ESRRG: variants seen among roughly 807,000 people sequenced by gnomAD.
ESRRG encodes the protein estrogen-related receptor gamma.
ESRRG carries 13 observed loss-of-function variants against 44.0 expected under a neutral mutation model. That is an observed-to-expected ratio of 0.30 (90% confidence interval 0.19 to 0.47). ESRRG has a LOEUF of 0.47. Ranked by LOEUF, ESRRG falls within the 20% of genes least tolerant of loss-of-function variation. The pLI is 1.00. For synonymous variants in ESRRG, 215 were observed against 214.6 expected, an observed-to-expected ratio of 1.00 and a Z score of -0.02; for missense variants, 395 against 580.6, an observed-to-expected ratio of 0.68 and a Z score of 3.29.
chr1:216,515,300 T>A (rs1034264235), intron 6 of ESRRG, among the ~76,000 whole-genome samples: 5 of 152,070 alleles, frequency 3.3e-5, no homozygotes, highest in Non-Finnish European at 2.9e-5. Context: ...TATGTGTATA[T>A]ATATATCCTA....
At chr1:217,080,078 A>G (rs548859847) in intron 1 of ESRRG, among the ~76,000 whole-genome samples, 8 of 152,328 alleles carry the variant, frequency 5.3e-5, no homozygotes, top group African/African-American at 1.7e-4. Context: ...TTTAAGATAT[A>G]TATAAATATA....
Position 216,750,031 on chromosome 1 carries a change from A to T in ESRRG, c.-13-72540T>A, listed in dbSNP as rs139418900. 1.8e-3 allele frequency among the ~76,000 whole-genome samples: 275 copies of T among 152,322 alleles called. 1 individual carries two copies. The highest frequency in any genetic ancestry group is 6.4e-3 in the African/African-American group (265 of 41,588). On this transcript the variant is annotated intron_variant, in intron 2 of 7. Coordinates refer to the ESRRG transcript ENST00000359162. ...TTAAGCATTTGGACAATAGTGCTCA[A>T]ACATTACAAAGAGGACCACAAATGA... is the stretch of plus-strand genomic sequence containing the variant.
intron 2 of ESRRG, among the ~76,000 whole-genome samples, chr1:216,878,757 A>G (rs2096396792): frequency 6.6e-6 from 1 of 152,192 alleles, no homozygotes; most frequent in Admixed American, 6.5e-5. Context: ...GTCTTTTCAA[A>G]ATGTTCAAAA....
chr1:216,687,310 T>C (rs2078193487), intron 1 of ESRRG, among the ~76,000 whole-genome samples: 1 of 152,078 alleles, frequency 6.6e-6, no homozygotes, highest in African/African-American at 2.4e-5. Flanking sequence ...TTCCCTGCAA[T>C]CAGTGTTTAA....
At chr1:216,510,667 C>T (rs1474139967) in intron 6 of ESRRG, among the ~76,000 whole-genome samples, 2 of 152,100 alleles carry the variant, frequency 1.3e-5, no homozygotes, top group Admixed American at 6.5e-5. Flanking sequence ...AGGCAGATCA[C>T]GAGGTCAGGA....
At chr1:216,821,178 AC>A (rs763258510) in intron 2 of ESRRG, among the ~76,000 whole-genome samples, 12 of 152,116 alleles carry the variant, frequency 7.9e-5, no homozygotes, top group Non-Finnish European at 1.5e-4. Flanking sequence ...CACCGCTCTT[AC>A]CTTACTTGCT....
At chr1:216,679,700 T>C (rs558451650) in intron 1 of ESRRG, among the ~76,000 whole-genome samples, 1 of 142,682 alleles carries the variant, frequency 7.0e-6, no homozygotes, top group Non-Finnish European at 1.5e-5. Context: ...TCTTTTTAAA[T>C]TTTTTTTCCC....
intron 3 of ESRRG, among the ~76,000 whole-genome samples, chr1:216,603,821 G>A (rs144899721): frequency 0.017 from 2,526 of 151,898 alleles, 45 homozygotes; most frequent in Middle Eastern, 0.061. Context: ...CCAGCTACTC[G>A]GCGGGATGAG....
intron 5 of ESRRG, among the ~76,000 whole-genome samples, chr1:216,545,628 T>C (rs564540086): frequency 1.2e-4 from 18 of 152,052 alleles, no homozygotes; most frequent in Non-Finnish European, 2.2e-4. Context: ...TAATAAGAAA[T>C]TGTTTGATGA....
At chr1:216,778,981 A>G (rs2093717687) in intron 2 of ESRRG, among the ~76,000 whole-genome samples, 1 of 149,908 alleles carries the variant, frequency 6.7e-6, no homozygotes, top group Non-Finnish European at 1.5e-5. Context: ...TCAGTCACTC[A>G]TCAACTCTGT....
intron 1 of ESRRG, among the ~76,000 whole-genome samples, chr1:217,117,770 T>C (rs568756374): frequency 5.9e-5 from 9 of 152,290 alleles, no homozygotes; most frequent in Middle Eastern, 6.8e-3. Context: ...AGGTCCTTAA[T>C]CTTCACTAAA....
intron 2 of ESRRG, among the ~76,000 whole-genome samples, chr1:216,808,865 C>T (rs1426450415): frequency 6.6e-6 from 1 of 152,162 alleles, no homozygotes; most frequent in East Asian, 1.9e-4. Flanking sequence ...TTAAGCAGAA[C>T]ATCAAGTTTC....
chr1:216,631,779 C>A (rs1368908303), intron 3 of ESRRG, among the ~76,000 whole-genome samples: 1 of 152,028 alleles, frequency 6.6e-6, no homozygotes, highest in African/African-American at 2.4e-5. Context: ...AGAAATAATA[C>A]AACTGTCTAT....
chr1:216,721,232 C>T (rs573285054), intron 1 of ESRRG, among the ~76,000 whole-genome samples: 1 of 152,290 alleles, frequency 6.6e-6, no homozygotes, highest in East Asian at 1.9e-4. Flanking sequence ...ATCTTTTTAA[C>T]AGCCTCCAAA....
intron 5 of ESRRG, among the ~76,000 whole-genome samples, chr1:216,522,419 C>T (rs2046374940): frequency 6.7e-6 from 1 of 149,052 alleles, no homozygotes; most frequent in South Asian, 2.1e-4. Flanking sequence ...ACAATCTATG[C>T]CTTACAAAAT....
chr1:216,543,033 C>T (rs980868558), intron 5 of ESRRG, among the ~76,000 whole-genome samples: 2 of 152,020 alleles, frequency 1.3e-5, no homozygotes, highest in African/African-American at 4.8e-5. Flanking sequence ...ACATACGTTT[C>T]CACTCAAAAT....
Position 216,619,622 on chromosome 1 carries a change from C to A in ESRRG, c.589+31351G>T, listed in dbSNP as rs2061910471. On this transcript the variant is annotated intron_variant, in intron 3 of 6. Coordinates refer to ENST00000408911, the MANE Select transcript of ESRRG (RefSeq NM_001438.4). The stretch of plus-strand genomic sequence containing the variant: ...TGTTCTGAAATATATGCAACAGTGA[C>A]AGGAGACAAAAGACCACAAGTAATA... Among the ~76,000 whole-genome samples, 5 of 152,260 alleles carry A rather than the reference C, an allele frequency of 3.3e-5. No individual in the cohort carries two copies. The South Asian group carries it at 1.0e-3, about 32-fold the overall frequency.
intron 2 of ESRRG, among the ~76,000 whole-genome samples, chr1:216,675,150 C>T (rs1019267973): frequency 1.3e-5 from 2 of 151,886 alleles, no homozygotes; most frequent in Non-Finnish European, 2.9e-5. Context: ...CACGTGAGGT[C>T]GGGAGTTCGA....
At chr1:216,912,155 GAAAAGAAAAGAAAAGAAA>G (rs2060429175) in intron 2 of ESRRG, among the ~76,000 whole-genome samples, 1 of 33,700 alleles carries the variant, frequency 3.0e-5, no homozygotes, top group African/African-American at 1.8e-4. Context: ...GAAAAGAAAA[GAAAAGAAAAGAAAAGAAA>G]AGAAAAGAAA....
Sources: allele counts gnomAD v4.1 joint callset (sites outside exome capture counted in the v4.1 genomes callset), GRCh38; gene constraint gnomAD v4.1.1; transcripts MANE v1.5; gene names NCBI Gene and HGNC (gene_info 2026-07-23, HGNC 2026-07-21).